The following MAP3K15 variants were observed in gnomAD, a reference collection of about 807,000 sequenced individuals.
The protein encoded by MAP3K15 is mitogen-activated protein kinase kinase kinase 15.
A neutral mutation model predicts 99.5 loss-of-function variants in MAP3K15; 124 were observed. The observed-to-expected ratio is 1.25, with a 90% CI of 1.08 to 1.45. The LOEUF (loss-of-function observed/expected upper bound fraction) is 1.45. MAP3K15 is among the 40% of genes most tolerant of loss of function. MAP3K15 has a pLI of 0.00. For synonymous variants in MAP3K15, 494 were observed against 439.6 expected (o/e 1.12, Z -1.55); for missense variants, 1,242 against 1,079.7 (o/e 1.15, Z -2.11).
At chrX:19,501,584 G>A (rs1175707262) in intron 1 of MAP3K15, among the ~76,000 whole-genome samples, 1 of 111,915 alleles carries the variant, frequency 8.9e-6, no homozygotes, top group African/African-American at 3.2e-5. Context: ...TCTTTTGAGG[G>A]CACCACATAA....
Position 19,370,978 on chromosome X carries a change from C to G in MAP3K15, c.3381G>C (p.Ala1127=), listed in dbSNP as rs756514149. 8.4e-7 allele frequency: 1 copy of G among 1,186,494 alleles called. No individual in the cohort carries two copies. The highest frequency in any genetic ancestry group is 3.1e-5 in the East Asian group (1 of 32,472). The change falls in exon 24 of 29, where the codon GCG becomes GCC. Residue 1127 remains alanine (A), a synonymous_variant. Coordinates refer to ENST00000338883, the MANE Select transcript of MAP3K15 (RefSeq NM_001001671.4). ...GCTCACCTGGGATGAGAATGGTGAC[C>G]GCGGCCTGCACCGCTCGGCGGATGA... ...DNIIRRAVQA[A]VTILIPELRA...
At chrX:19,424,881 A>G (rs2063817980) in intron 9 of MAP3K15, among the ~76,000 whole-genome samples, 1 of 107,440 alleles carries the variant, frequency 9.3e-6, no homozygotes, top group African/African-American at 3.4e-5. Context: ...TACTGGGCTC[A>G]AGCAATCCTC....
intron 15 of MAP3K15, among the ~76,000 whole-genome samples, chrX:19,396,612 T>C (rs1310269565): frequency 8.9e-6 from 1 of 112,374 alleles, no homozygotes; most frequent in Non-Finnish European, 1.9e-5. Flanking sequence ...TCACGTATCA[T>C]AACATGCTAT....
chrX:19,425,002 G>A (rs1162471883), intron 9 of MAP3K15, among the ~76,000 whole-genome samples: 2 of 110,321 alleles, frequency 1.8e-5, no homozygotes, highest in Non-Finnish European at 3.8e-5. Flanking sequence ...GAGAACCACT[G>A]ATACAGAAAA....
At chrX:19,420,040 G>C (rs1055064386) in intron 9 of MAP3K15, among the ~76,000 whole-genome samples, 1 of 112,011 alleles carries the variant, frequency 8.9e-6, no homozygotes, top group African/African-American at 3.2e-5. Flanking sequence ...ATTCAAAGTA[G>C]TGTGTAGAGG....
chrX:19,445,759 C>T (rs1238240030), intron 6 of MAP3K15, among the ~76,000 whole-genome samples: 2 of 108,345 alleles, frequency 1.8e-5, no homozygotes, highest in Non-Finnish European at 3.8e-5. Flanking sequence ...CCAGCCCGGC[C>T]AACATAGCGA....
Position 19,395,078 on chromosome X carries a change from C to A in MAP3K15, c.2194+3G>T. The A allele has an allele frequency of 8.3e-7, 1 of 1,205,779 alleles. No homozygotes were observed. The highest frequency in any genetic ancestry group is 2.3e-4 in the Middle Eastern group (1 of 4,321). ...GTGAGACCAGAAGACAGCGACTACT[C>A]ACCTCCAGGCACCTGCTCCATAAAT... On this transcript the variant is annotated splice_donor_region_variant and intron_variant, in intron 16 of 28. Coordinates refer to ENST00000338883, the MANE Select transcript of MAP3K15 (RefSeq NM_001001671.4).
chrX:19,465,365 G>T (rs745969917), intron 3 of MAP3K15, among the ~76,000 whole-genome samples: 2 of 111,406 alleles, frequency 1.8e-5, no homozygotes, highest in African/African-American at 6.5e-5. Flanking sequence ...AATAGGGTTG[G>T]TTTTCTGAGA....
chrX:19,442,399 C>T (rs993294406), intron 6 of MAP3K15, among the ~76,000 whole-genome samples: 1 of 111,720 alleles, frequency 9.0e-6, no homozygotes, highest in African/African-American at 3.2e-5. Flanking sequence ...AAATACAATA[C>T]GTTTACTTTC....
chrX:19,498,521 C>G (rs1405215833), intron 1 of MAP3K15, among the ~76,000 whole-genome samples: 1 of 111,874 alleles, frequency 8.9e-6, no homozygotes, highest in Non-Finnish European at 1.9e-5. Context: ...ATCACCAGGG[C>G]CAGTGTGACA....
intron 6 of MAP3K15, among the ~76,000 whole-genome samples, chrX:19,450,418 C>T (rs894464001): frequency 1.8e-5 from 2 of 109,772 alleles, no homozygotes; most frequent in Non-Finnish European, 3.9e-5. Flanking sequence ...AAAAAAATTC[C>T]TCTCTGACTG....
chrX:19,508,574 T>C lies in MAP3K15; in HGVS notation c.361+6327A>G, dbSNP rs182999440. On this transcript the variant is annotated intron_variant, in intron 1 of 28. Transcript: ENST00000338883. ...AAAATAGTAAATTTTGTTATACATA[T>C]TTTATCACAATTTTAAAAACCACAA... 5.3e-5 allele frequency among the ~76,000 whole-genome samples: 6 copies of C among 112,285 alleles called. No homozygotes were observed. The East Asian group carries it at 1.7e-3, about 31-fold the overall frequency.
chrX:19,399,427 G>A (rs1043518044), intron 14 of MAP3K15, among the ~76,000 whole-genome samples: 1 of 111,643 alleles, frequency 9.0e-6, no homozygotes, highest in African/African-American at 3.3e-5. Context: ...AGCCAGGCGT[G>A]GTGGCACGTG....
Position 19,398,245 on chromosome X carries a change from T to C in MAP3K15, c.2047A>G (p.Ile683Val), listed in dbSNP as rs1286667649. 5.0e-6 allele frequency: 6 copies of C among 1,209,156 alleles called. No individual in the cohort carries two copies. The highest frequency in any genetic ancestry group is 2.3e-4 in the Middle Eastern group (1 of 4,372). Residue 683 changes from isoleucine (I) to valine (V), a missense_variant, in exon 15 of 29, where the codon ATC becomes GTC. Physicochemically the swap from Ile to Val is conservative, Grantham distance 29. Coordinates refer to ENST00000338883, the MANE Select transcript of MAP3K15 (RefSeq NM_001001671.4). Reference protein sequence around the residue: ...SNQVRIAIKEIPERDSRYSQP... With the variant: ...SNQVRIAIKEVPERDSRYSQP... Reference sequence around the variant, plus strand: ...ACTTGCCTGCTATCTCTCTCCGGGATTTCTTTGATGGCTATTCGCACTTGA... The same window carrying C: ...ACTTGCCTGCTATCTCTCTCCGGGACTTCTTTGATGGCTATTCGCACTTGA...
At chrX:19,471,454 G>T (rs1296494722) in intron 3 of MAP3K15, among the ~76,000 whole-genome samples, 3 of 110,970 alleles carry the variant, frequency 2.7e-5, no homozygotes, top group South Asian at 3.9e-4. Flanking sequence ...TAGAGACAGG[G>T]TTTCTCCATG....
chrX:19,499,490 A>G (rs2064427781), intron 1 of MAP3K15, among the ~76,000 whole-genome samples: 1 of 112,783 alleles, frequency 8.9e-6, no homozygotes. Flanking sequence ...CAAATTGCAA[A>G]TGTTCAGAGC....
chrX:19,483,565 AGTGTGT>A (rs140310801), intron 3 of MAP3K15, among the ~76,000 whole-genome samples: 1 of 106,064 alleles, frequency 9.4e-6, no homozygotes, highest in Admixed American at 1.0e-4. Context: ...ACTAACTATG[AGTGTGT>A]GTGTGTGTGT....
Position 19,432,264 on chromosome X carries a change from C to G in MAP3K15, c.996-656G>C, listed in dbSNP as rs142265728. Among the ~76,000 whole-genome samples, 403 of 110,890 alleles carry G rather than the reference C, an allele frequency of 3.6e-3. 2 individuals are homozygous for G. The highest frequency in any genetic ancestry group is 0.012 in the African/African-American group (373 of 30,564). On this transcript the variant is annotated intron_variant, in intron 6 of 28. Transcript: ENST00000338883. ...AGTCTGGACTGTGATTCAAACAAAT[C>G]CACTATAAAACATATGAGGCTGGGT...
intron 9 of MAP3K15, among the ~76,000 whole-genome samples, chrX:19,418,481 T>C (rs970230963): frequency 9.1e-6 from 1 of 110,047 alleles, no homozygotes; most frequent in Admixed American, 9.7e-5. Context: ...GTGAGAAGTT[T>C]AGAGAAAAAA....
Sources: allele counts gnomAD v4.1 joint callset (sites outside exome capture counted in the v4.1 genomes callset), GRCh38; gene constraint gnomAD v4.1.1; transcripts MANE v1.5; gene names NCBI Gene and HGNC (gene_info 2026-07-23, HGNC 2026-07-21).